Variants in AK9 observed in about 807,000 individuals in gnomAD.
AK9 encodes the protein adenylate kinase 9, also known as adenylate kinase domain containing 1.
AK9 carries 191 observed loss-of-function variants against 239.6 expected under a neutral mutation model. The observed-to-expected ratio is 0.80, with a 90% CI of 0.71 to 0.90. AK9 has a LOEUF of 0.90. Among genes scored for constraint, AK9 ranks in the 40% least tolerant of loss-of-function variants. The probability of loss-of-function intolerance (pLI) is 0.00; values close to 1 mark genes in which losing one functional copy is unlikely to be tolerated. For synonymous variants in AK9, 689 were observed against 721.0 expected (o/e 0.96, Z 0.71); for missense variants, 1,995 against 2,214.7 (o/e 0.90, Z 1.99).
chr6:109,544,506 T>A (rs75671610), intron 26 of AK9, among the ~76,000 whole-genome samples: 2 of 152,152 alleles, frequency 1.3e-5, no homozygotes, highest in East Asian at 1.9e-4. Context: ...TGAGTGCTCA[T>A]GAGATCCAGT....
At chr6:109,538,744 G>A (rs547129623) in intron 27 of AK9, among the ~76,000 whole-genome samples, 7 of 152,170 alleles carry the variant, frequency 4.6e-5, no homozygotes, top group African/African-American at 1.4e-4. Flanking sequence ...GGCTGGTACC[G>A]GTTGTTCCTT....
At chr6:109,531,146 GA>G (rs1340620631) in intron 28 of AK9, among the ~76,000 whole-genome samples, 1 of 152,184 alleles carries the variant, frequency 6.6e-6, no homozygotes, top group Non-Finnish European at 1.5e-5. Context: ...GAAATACTGA[GA>G]AAAAAATTAG....
At chr6:109,542,429 C>G (rs1361106067) in intron 26 of AK9, among the ~76,000 whole-genome samples, 1 of 152,082 alleles carries the variant, frequency 6.6e-6, no homozygotes, top group Admixed American at 6.5e-5. Flanking sequence ...TAGTTAGTAA[C>G]AATGTATTGT....
chr6:109,650,975 G>T (rs1285369559), intron 8 of AK9, among the ~76,000 whole-genome samples: 2 of 151,892 alleles, frequency 1.3e-5, no homozygotes, highest in Non-Finnish European at 2.9e-5. Context: ...GCAAACTATC[G>T]CAAGGACAAA....
intron 20 of AK9, among the ~76,000 whole-genome samples, chr6:109,577,950 T>C (rs1434031813): frequency 6.6e-6 from 1 of 151,460 alleles, no homozygotes; most frequent in Non-Finnish European, 1.5e-5. Context: ...TCTTTTTTTT[T>C]TTCTTTTTAG....
chr6:109,502,496 T>TC (rs1314884776), intron 35 of AK9, among the ~76,000 whole-genome samples: 1 of 152,162 alleles, frequency 6.6e-6, no homozygotes, highest in African/African-American at 2.4e-5. Flanking sequence ...GAATAGATCC[T>TC]CCCCTAGAAC....
Position 109,633,113 on chromosome 6 carries a change from T to C in AK9, c.1074-10A>G, listed in dbSNP as rs1016155668. ...GATTTTACCTAGAAAACTTAAAATA[T>C]GCCATATTAGTAAACAACTGAAAAG... is the stretch of plus-strand genomic sequence containing the variant. On this transcript the variant is annotated splice_polypyrimidine_tract_variant and intron_variant, in intron 11 of 40. Transcript: ENST00000424296. 2.6e-6 allele frequency: 4 copies of C among 1,549,778 alleles called. No homozygotes were observed. The highest frequency in any genetic ancestry group is 1.4e-5 in the African/African-American group (1 of 72,134).
chr6:109,563,573 T>C, intron 24 of AK9, 24 bp downstream of exon 24: 1 of 1,547,720 alleles, frequency 6.5e-7, no homozygotes, highest in South Asian at 1.2e-5. Context: ...CAAATGAGAA[T>C]GAGTAGAAAT....
chr6:109,598,674 G>C (rs1322138221), intron 17 of AK9, among the ~76,000 whole-genome samples: 1 of 152,158 alleles, frequency 6.6e-6, no homozygotes, highest in African/African-American at 2.4e-5. Context: ...GGTTGAACTA[G>C]TTTACAGTCC....
At chr6:109,628,571 T>C (rs1795795047) in intron 12 of AK9, among the ~76,000 whole-genome samples, 1 of 152,362 alleles carries the variant, frequency 6.6e-6, no homozygotes, top group Non-Finnish European at 1.5e-5. Flanking sequence ...CTTAAAAAGA[T>C]GGTAGCCATG....
intron 5 of AK9, among the ~76,000 whole-genome samples, chr6:109,670,960 A>G (rs917006135): frequency 1.3e-5 from 2 of 151,960 alleles, no homozygotes; most frequent in African/African-American, 4.8e-5. Flanking sequence ...TAATCTCTAT[A>G]TATGTATTAT....
At chr6:109,587,034 T>C (rs1177755248) in intron 17 of AK9, among the ~76,000 whole-genome samples, 1 of 152,074 alleles carries the variant, frequency 6.6e-6, no homozygotes, top group Non-Finnish European at 1.5e-5. Flanking sequence ...TTTAGAACTC[T>C]TGGGCTGAGG....
At chr6:109,635,419 T>C (rs1217611113) in intron 10 of AK9, among the ~76,000 whole-genome samples, 1 of 152,122 alleles carries the variant, frequency 6.6e-6, no homozygotes, top group Non-Finnish European at 1.5e-5. Flanking sequence ...CAGAAAACAG[T>C]GTAACTGGTT....
intron 17 of AK9, among the ~76,000 whole-genome samples, chr6:109,608,686 T>C (rs1200452791): frequency 6.6e-6 from 1 of 152,100 alleles, no homozygotes; most frequent in Admixed American, 6.5e-5. Flanking sequence ...AAACGGAACA[T>C]GAAAAGCACT....
At chr6:109,529,970 C>T (rs1408294686) in intron 28 of AK9, among the ~76,000 whole-genome samples, 1 of 152,102 alleles carries the variant, frequency 6.6e-6, no homozygotes. Context: ...GTTGGGAACC[C>T]CTGGCCTAAC....
At chr6:109,508,372 A>G (rs1778329526) in intron 33 of AK9, among the ~76,000 whole-genome samples, 4 of 152,176 alleles carry the variant, frequency 2.6e-5, no homozygotes, top group Admixed American at 2.0e-4. Flanking sequence ...TGACTCAACC[A>G]TGATTGCCTC....
intron 5 of AK9, among the ~76,000 whole-genome samples, chr6:109,666,536 C>T (rs966669815): frequency 2.6e-5 from 4 of 152,174 alleles, no homozygotes; most frequent in Non-Finnish European, 5.9e-5. Context: ...GCTTTGTAGG[C>T]CATTGCCCAG....
At chr6:109,550,951 T>A (rs1784285299) in intron 24 of AK9, among the ~76,000 whole-genome samples, 1 of 152,052 alleles carries the variant, frequency 6.6e-6, no homozygotes, top group South Asian at 2.1e-4. Context: ...AAAGTGAAAA[T>A]CTCTTTTCAC....
chr6:109,646,030 G>T (rs1798014740), intron 8 of AK9, among the ~76,000 whole-genome samples: 1 of 152,196 alleles, frequency 6.6e-6, no homozygotes, highest in Admixed American at 6.5e-5. Flanking sequence ...CTAACAAACA[G>T]AAAACAGTAG....
Sources: gnomAD v4.1 joint callset for allele counts (sites outside exome capture counted in the v4.1 genomes callset) on GRCh38, gnomAD v4.1.1 for gene constraint, MANE v1.5 for transcripts, NCBI Gene and HGNC (gene_info 2026-07-23, HGNC 2026-07-21) for gene names.